WNT9A: variants seen among roughly 807,000 people sequenced by gnomAD.
The protein encoded by WNT9A is Wnt family member 9A, also known as protein Wnt-9a.
WNT9A carries 8 observed loss-of-function variants against 31.4 expected under a neutral mutation model. That is an observed-to-expected ratio of 0.26 (90% CI 0.15 to 0.46). The LOEUF (loss-of-function observed/expected upper bound fraction) is 0.46, where lower values mean the gene tolerates loss of function less well. Among genes scored for constraint, WNT9A ranks in the 20% least tolerant of loss-of-function variants. WNT9A has a pLI of 0.99. For missense variants in WNT9A, 457 were observed against 522.9 expected (o/e 0.87, Z 1.23); for synonymous variants, 236 against 220.1 (o/e 1.07, Z -0.64).
In WNT9A at chr1:227,925,916, T is replaced by C. The variant is rs375880174; in HGVS notation, c.96-397A>G. Among the ~76,000 whole-genome samples, 2 of 152,062 alleles carry C rather than the reference T, an allele frequency of 1.3e-5. No individual in the cohort carries two copies. Among genetic ancestry groups the C allele is most frequent in the African/African-American group, 2.4e-5 (1 of 41,410 alleles). On this transcript the variant is annotated intron_variant, in intron 1 of 3. Coordinates refer to ENST00000272164, the MANE Select transcript of WNT9A (RefSeq NM_003395.4). The surrounding 1 kb of genome is among the most constrained non-coding windows in gnomAD (Gnocchi z 6.0). ...AGCCTGAATCCCAAACTATGCCTGATGGGCGTCTGCCACATCCTCCACCCT... is the reference window on the plus strand; with the variant it reads ...AGCCTGAATCCCAAACTATGCCTGACGGGCGTCTGCCACATCCTCCACCCT...
At chr1:227,947,404 G>A (rs1003856338) in intron 1 of WNT9A, among the ~76,000 whole-genome samples, 6 of 152,302 alleles carry the variant, frequency 3.9e-5, no homozygotes, top group African/African-American at 1.4e-4. Context: ...GAGAAAGGGG[G>A]GGAAGCTGCT....
chr1:227,926,117 C>T lies in WNT9A; in HGVS notation c.96-598G>A, dbSNP rs1666417597. Among the ~76,000 whole-genome samples, 4 of 152,102 alleles carry T rather than the reference C, an allele frequency of 2.6e-5. No homozygotes were observed. The South Asian group carries it at 8.3e-4, about 32-fold the overall frequency. ...CCCACCTCAGTGCCTGGGTGTGGCA[C>T]TGGGAAGCAGCTCTTGGTTCTCTGA... On this transcript the variant is annotated intron_variant, in intron 1 of 3. Transcript: ENST00000272164. The surrounding 1 kb of genome is among the most constrained non-coding windows in gnomAD (Gnocchi z 5.0).
rs528068989 is a variant in WNT9A at position 227,945,258 on chromosome 1, T to C, written c.95+2535A>G. 1.4e-4 allele frequency among the ~76,000 whole-genome samples: 22 copies of C among 152,326 alleles called. No individual in the cohort carries two copies. In the South Asian group the frequency reaches 4.3e-3, roughly 30 times the overall value. ...CCCTATGACCTCGGGCTGGCCTCCC[T>C]GCTTACCCCTCTGTCTAGAAGGGCT... On this transcript the variant is annotated intron_variant, in intron 1 of 3. Coordinates refer to ENST00000272164, the MANE Select transcript of WNT9A (RefSeq NM_003395.4).
In WNT9A at chr1:227,920,939, C is replaced by G. The variant is rs113839458; in HGVS notation, c.*579G>C. ...GAGAGGGGGAGATACAGGGCTTGGA[C>G]AGCCAACCCAGAGGACCCCCGGCAC... On this transcript the variant is annotated 3_prime_UTR_variant, in exon 4 of 4. Coordinates refer to ENST00000272164, the MANE Select transcript of WNT9A (RefSeq NM_003395.4). 1 of 152,842 alleles carries G rather than the reference C, an allele frequency of 6.5e-6. No homozygotes were observed. Among genetic ancestry groups the G allele is most frequent in the Non-Finnish European group, 1.5e-5 (1 of 68,580 alleles). 9.5% of individuals were successfully genotyped at this position (152,842 alleles called of 1,614,324 possible).
Position 227,925,249 on chromosome 1 carries a change from C to T in WNT9A, c.352+14G>A. The T allele has an allele frequency of 2.0e-6, 3 of 1,529,214 alleles. No individual in the cohort carries two copies. Among genetic ancestry groups the T allele is most frequent in the African/African-American group, 1.4e-5 (1 of 73,186 alleles). 94.7% of individuals were successfully genotyped at this position (1,529,214 alleles called of 1,614,324 possible). On this transcript the variant is annotated intron_variant, in intron 2 of 3. Coordinates refer to ENST00000272164, the MANE Select transcript of WNT9A (RefSeq NM_003395.4). The surrounding 1 kb of genome is among the most constrained non-coding windows in gnomAD (Gnocchi z 6.0). Reference sequence around the variant, plus strand: ...GTCTGGGGCCTTCCTGAGGGCCAGGCCGGCCACACTCACCTCGCTTGAGCA... The same window carrying T: ...GTCTGGGGCCTTCCTGAGGGCCAGGTCGGCCACACTCACCTCGCTTGAGCA...
At chr1:227,946,249 C>T (rs1666790989) in intron 1 of WNT9A, among the ~76,000 whole-genome samples, 1 of 152,252 alleles carries the variant, frequency 6.6e-6, no homozygotes, top group African/African-American at 2.4e-5. Context: ...GCACAAAGCC[C>T]AGAGATAGGT....
chr1:227,929,201 G>A (rs1203923481), intron 1 of WNT9A, among the ~76,000 whole-genome samples: 1 of 151,676 alleles, frequency 6.6e-6, no homozygotes, highest in African/African-American at 2.4e-5. Context: ...AGACCGTGAC[G>A]GGAGGGTTGT....
intron 1 of WNT9A, among the ~76,000 whole-genome samples, chr1:227,936,883 C>T (rs1226744442): frequency 6.6e-6 from 1 of 152,152 alleles, no homozygotes; most frequent in Non-Finnish European, 1.5e-5. Context: ...TTCTTTACAG[C>T]TTTATTCAAT....
At chr1:227,933,129 T>C (rs899092973) in intron 1 of WNT9A, among the ~76,000 whole-genome samples, 4 of 152,256 alleles carry the variant, frequency 2.6e-5, no homozygotes, top group Non-Finnish European at 5.9e-5. Flanking sequence ...TCATTTCCGC[T>C]GAAGATCTGT....
Position 227,921,296 on chromosome 1 carries a change from C to T in WNT9A, c.*222G>A, listed in dbSNP as rs1158068140. On this transcript the variant is annotated 3_prime_UTR_variant, in exon 4 of 4. Coordinates refer to ENST00000272164, the MANE Select transcript of WNT9A (RefSeq NM_003395.4). ...TCATGCTCTGTGCAATGCCTGCACC[C>T]CATGCAGCTAGGACTGAGCCCAGGG... 5 of 651,954 alleles carry T rather than the reference C, an allele frequency of 7.7e-6. No individual in the cohort carries two copies. Among genetic ancestry groups the T allele is most frequent in the Admixed American group, 3.1e-5 (1 of 32,306 alleles). 40.4% of individuals were successfully genotyped at this position (651,954 alleles called of 1,614,324 possible).
At chr1:227,936,592 C>G (rs1033137503) in intron 1 of WNT9A, among the ~76,000 whole-genome samples, 1 of 150,438 alleles carries the variant, frequency 6.6e-6, no homozygotes, top group Non-Finnish European at 1.5e-5. Context: ...ACCGCAGCCT[C>G]ACAAAGTGCT....
Position 227,919,722 on chromosome 1 carries a change from C to CACACACACACACACACAGAG in WNT9A, c.*1795_*1796insCTCTGTGTGTGTGTGTGTGT, listed in dbSNP as rs55730500. On this transcript the variant is annotated 3_prime_UTR_variant, in exon 4 of 4. Coordinates refer to ENST00000272164, the MANE Select transcript of WNT9A (RefSeq NM_003395.4). ...ACACACACACACACACACACACACA[C>CACACACACACACACACAGAG]AGACCATGCCAGCATGCATTTATAC... 1 of 145,658 alleles carries CACACACACACACACACAGAG rather than the reference C, an allele frequency of 6.9e-6. No homozygotes were observed. Among genetic ancestry groups the CACACACACACACACACAGAG allele is most frequent in the African/African-American group, 2.6e-5 (1 of 38,394 alleles). 9.0% of individuals were successfully genotyped at this position (145,658 alleles called of 1,614,324 possible).
At chr1:227,924,631 G>A (rs919536917) in intron 2 of WNT9A, among the ~76,000 whole-genome samples, 2 of 152,120 alleles carry the variant, frequency 1.3e-5, no homozygotes, top group African/African-American at 4.8e-5. Context: ...GCCCGCCATG[G>A]CCATGGCTCC....
At position 227,928,297 on chromosome 1, in the gene WNT9A, C is replaced by T. The variant is rs529541515; in HGVS notation, c.96-2778G>A. ...CCTCTATCAGAGGCAACTCCCTAAACGCAGCTACGGGTGACTGACCCTGAT... is the reference window on the plus strand; with the variant it reads ...CCTCTATCAGAGGCAACTCCCTAAATGCAGCTACGGGTGACTGACCCTGAT... On this transcript the variant is annotated intron_variant, in intron 1 of 3. Coordinates refer to ENST00000272164, the MANE Select transcript of WNT9A (RefSeq NM_003395.4). This position sits in a 1 kb window ranked among gnomAD's most constrained non-coding sequence, Gnocchi z 4.5. Among the ~76,000 whole-genome samples, 7 of 151,850 alleles carry T rather than the reference C, an allele frequency of 4.6e-5. No individual in the cohort carries two copies. Among genetic ancestry groups the T allele is most frequent in the African/African-American group, 1.2e-4 (5 of 41,398 alleles).
chr1:227,938,054 G>A (rs376559793), intron 1 of WNT9A, among the ~76,000 whole-genome samples: 83 of 152,264 alleles, frequency 5.5e-4, no homozygotes, highest in African/African-American at 1.7e-3. Flanking sequence ...TCTCCTTAGC[G>A]GGTCCTGGCC....
intron 1 of WNT9A, among the ~76,000 whole-genome samples, chr1:227,930,106 T>A (rs1039622180): frequency 6.6e-6 from 1 of 152,246 alleles, no homozygotes; most frequent in Non-Finnish European, 1.5e-5. Context: ...CTTCCCAGTA[T>A]GCCATTCAAC....
chr1:227,946,847 G>A (rs1245336106), intron 1 of WNT9A, among the ~76,000 whole-genome samples: 1 of 152,084 alleles, frequency 6.6e-6, no homozygotes, highest in Non-Finnish European at 1.5e-5. Flanking sequence ...ACCGGCGGAG[G>A]GCGGCGGCCC....
Position 227,925,652 on chromosome 1 carries a change from G to A in WNT9A, c.96-133C>T. 7.4e-7 allele frequency: 1 copy of A among 1,357,938 alleles called. No homozygotes were observed. Among genetic ancestry groups the A allele is most frequent in the African/African-American group, 1.5e-5 (1 of 67,396 alleles). The allele number at this position is 1,357,938 out of a possible 1,614,324, so 84.1% of individuals were successfully genotyped here. The stretch of plus-strand genomic sequence containing the variant: ...TGAGGGGGCAGAAAGAATCCAGGAT[G>A]AGCCAGGCAGGGGAGAGGGAGGCGA... On this transcript the variant is annotated intron_variant, in intron 1 of 3. Transcript: ENST00000272164. This position sits in a 1 kb window ranked among gnomAD's most constrained non-coding sequence, Gnocchi z 6.0.
intron 1 of WNT9A, among the ~76,000 whole-genome samples, chr1:227,937,533 G>A (rs1044630740): frequency 3.3e-5 from 5 of 152,236 alleles, no homozygotes; most frequent in Admixed American, 3.3e-4. Flanking sequence ...CAGACATGGT[G>A]GGCTCTTTAG....
Sources: gnomAD v4.1 joint callset for allele counts (sites outside exome capture counted in the v4.1 genomes callset) on GRCh38, gnomAD v4.1.1 for gene constraint, Gnocchi (gnomAD v3.1) non-coding constraint, MANE v1.5 for transcripts, NCBI Gene and HGNC (gene_info 2026-07-23, HGNC 2026-07-21) for gene names.